Variants in RBMX observed in about 807,000 individuals in gnomAD.
RBMX encodes RNA-binding motif protein, X chromosome.
Under a neutral mutation model 29.3 loss-of-function variants are expected in RBMX, and 1 was observed. The ratio of observed to expected loss-of-function variants is 0.03; its 90% CI spans 0.01 to 0.16. RBMX has a LOEUF of 0.16. RBMX is among the 10% of genes least tolerant of loss of function. The pLI is 1.00. For synonymous variants in RBMX, 102 were observed against 102.3 expected, an observed-to-expected ratio of 1.00 and a Z score of 0.02; for missense variants, 121 against 333.2, an observed-to-expected ratio of 0.36 and a Z score of 4.96.
intron 4 of RBMX, among the ~76,000 whole-genome samples, chrX:136,877,330 C>A (rs1413610529): frequency 1.7e-5 from 1 of 58,038 alleles, no homozygotes; most frequent in Admixed American, 1.8e-4. Flanking sequence ...TAAACTCTAC[C>A]CCCCCCCCCC....
At chrX:136,880,119 C>T (rs1332959380) in intron 1 of RBMX, among the ~76,000 whole-genome samples, 1 of 112,243 alleles carries the variant, frequency 8.9e-6, no homozygotes, top group African/African-American at 3.2e-5. Context: ...TTAAAAACCG[C>T]GTGTAAAAGA....
intron 3 of RBMX, among the ~76,000 whole-genome samples, 155 bp from the exon 4 acceptor site, chrX:136,878,241 A>G (rs188219915): frequency 2.7e-4 from 30 of 111,936 alleles, no homozygotes; most frequent in African/African-American, 9.7e-4. Flanking sequence ...GTCAGTTTAC[A>G]TAAATGGGGC....
At chrX:136,874,965 T>A in intron 8 of RBMX, 121 bp downstream of exon 8, 1 of 1,090,060 alleles carries the variant, frequency 9.2e-7, no homozygotes, top group Non-Finnish European at 1.2e-6. Flanking sequence ...GCTGATAAAG[T>A]TACCCCTTTA....
chrX:136,876,965 G>A (rs1267045977), intron 4 of RBMX, among the ~76,000 whole-genome samples: 1 of 107,271 alleles, frequency 9.3e-6, no homozygotes, highest in African/African-American at 3.4e-5. Flanking sequence ...GCCTGCCTCA[G>A]CCTCCCAAAG....
At position 136,873,472 on chromosome X, in the gene RBMX, CAA is replaced by C. The variant is rs1845542143; in HGVS notation, c.*668_*669del. The C allele has an allele frequency of 1.3e-6, 1 of 752,706 alleles. No individual in the cohort carries two copies. Among genetic ancestry groups the C allele is most frequent in the Non-Finnish European group, 1.6e-6 (1 of 638,939 alleles). 62.0% of individuals were successfully genotyped at this position (752,706 alleles called of 1,213,427 possible). On this transcript the variant is annotated 3_prime_UTR_variant, in exon 9 of 9. Coordinates refer to ENST00000320676, the MANE Select transcript of RBMX (RefSeq NM_002139.4). Reference sequence around the variant, plus strand: ...TTGCAGCTTCATGGTTGGTTTTGGCCAAACTTTTTATTTAGTATTCTGTAGTT... The same window carrying C: ...TTGCAGCTTCATGGTTGGTTTTGGCCACTTTTTATTTAGTATTCTGTAGTT...
chrX:136,876,696 G>A (rs773882563), intron 4 of RBMX, 41 bp from the exon 5 acceptor site: 19 of 964,245 alleles, frequency 2.0e-5, no homozygotes, highest in South Asian at 1.1e-4. Context: ...CTACTCACAA[G>A]AATCAAGAAA....
rs1041846321 is a variant in RBMX at position 136,873,851 on chromosome X, G to C, written c.*291C>G. ...CTGCCTCATTTGCTGGGAAAAATCA[G>C]ATAGGAAGTGGCCTTTAGGGGATAC... On this transcript the variant is annotated 3_prime_UTR_variant, in exon 9 of 9. Coordinates refer to ENST00000320676, the MANE Select transcript of RBMX (RefSeq NM_002139.4). The C allele has an allele frequency of 6.9e-5, 61 of 884,024 alleles. No individual in the cohort carries two copies. The highest frequency in any genetic ancestry group is 7.7e-5 in the Non-Finnish European group (56 of 722,971). 72.9% of individuals were successfully genotyped at this position (884,024 alleles called of 1,213,427 possible). A position where few individuals can be genotyped will look rare whatever the true frequency, so the allele number is the denominator to read the frequency against.
At chrX:136,879,268 T>G (rs765843444) in intron 2 of RBMX, 51 bp downstream of exon 2, 2 of 1,193,984 alleles carry the variant, frequency 1.7e-6, no homozygotes, top group Non-Finnish European at 2.3e-6. Context: ...AAATTCATCA[T>G]AGCTTATATT....
chrX:136,875,699 G>A (rs894242119), intron 5 of RBMX, 114 bp from the exon 6 acceptor site: 8 of 971,536 alleles, frequency 8.2e-6, no homozygotes, highest in Non-Finnish European at 1.1e-5. Flanking sequence ...CATTACGGAG[G>A]CTAGATCACC....
chrX:136,872,023 T>A (rs180754655), downstream of RBMX, among the ~76,000 whole-genome samples: 1 of 111,321 alleles, frequency 9.0e-6, no homozygotes, highest in African/African-American at 3.3e-5. Context: ...GCAAGCTTTA[T>A]GGGTTCAAAA....
In RBMX at chrX:136,880,613, G is replaced by C. The variant is rs1345101018; in HGVS notation, c.-43C>G. The C allele has an allele frequency of 1.7e-5, 2 of 119,654 alleles. No individual in the cohort carries two copies. The highest frequency in any genetic ancestry group is 3.8e-5 in the Non-Finnish European group (2 of 53,327). 9.9% of individuals were successfully genotyped at this position (119,654 alleles called of 1,213,427 possible). A position where few individuals can be genotyped will look rare whatever the true frequency, so the allele number is the denominator to read the frequency against. On this transcript the variant is annotated 5_prime_UTR_variant, in exon 1 of 9. Coordinates refer to ENST00000320676, the MANE Select transcript of RBMX (RefSeq NM_002139.4). ...GACACGTACCGGAGGGGTGACAATGGGTTCAAGCTCCAACGAGCTCGGCGA... is the reference window on the plus strand; with the variant it reads ...GACACGTACCGGAGGGGTGACAATGCGTTCAAGCTCCAACGAGCTCGGCGA...
chrX:136,878,962 C>T (rs1017336625), intron 3 of RBMX, 55 bp downstream of exon 3: 2 of 1,193,395 alleles, frequency 1.7e-6, no homozygotes, highest in Middle Eastern at 3.3e-4. Context: ...TGGACAACTA[C>T]ATGTTATTTT....
At chrX:136,877,339 C>CCCT (rs2077742958) in intron 4 of RBMX, among the ~76,000 whole-genome samples, 1 of 86,047 alleles carries the variant, frequency 1.2e-5, no homozygotes, top group Non-Finnish European at 2.4e-5. Flanking sequence ...CCCCCCCCCC[C>CCCT]CCAAAAAAAA....
chrX:136,879,624 T>C (rs1220580966), intron 1 of RBMX, among the ~76,000 whole-genome samples, 171 bp from the exon 2 acceptor site: 2 of 112,244 alleles, frequency 1.8e-5, no homozygotes, highest in Non-Finnish European at 3.8e-5. Flanking sequence ...TTGAACTAAG[T>C]AGTTTAGTAA....
chrX:136,871,586 G>A (rs1392116613), downstream of RBMX, among the ~76,000 whole-genome samples: 1 of 111,215 alleles, frequency 9.0e-6, no homozygotes, highest in Non-Finnish European at 1.9e-5. Flanking sequence ...TTGTAGCTAT[G>A]CAAATGAGCA....
Position 136,876,526 on chromosome X carries a change from C to T in RBMX, c.518G>A (p.Ser173Asn), listed in dbSNP as rs780149795. 3.3e-6 allele frequency: 4 copies of T among 1,195,005 alleles called. No individual in the cohort carries two copies. The East Asian group carries it at 1.2e-4, about 36-fold the overall frequency. The change falls in exon 5 of 9, where the codon AGT (serine) becomes AAT (asparagine). Residue 173 changes from serine (S) to asparagine (N), a missense_variant. Coordinates refer to ENST00000320676, the MANE Select transcript of RBMX (RefSeq NM_002139.4). Reference protein sequence around the residue: ...KRSAPSGPVRSSSGMGGRAPV... With the variant: ...KRSAPSGPVRNSSGMGGRAPV... ...ACCTCTTCCTCCCATTCCACTGCTA[C>T]TGCGAACTGGTCCTGAAGGTGCAGA... is the stretch of plus-strand genomic sequence containing the variant.
rs747333173 is a variant in RBMX, at chrX:136,875,454, C to T, written c.656+17G>A. The T allele has an allele frequency of 8.3e-6, 10 of 1,208,003 alleles. No homozygotes were observed. Among genetic ancestry groups the T allele is most frequent in the Non-Finnish European group, 1.1e-5 (10 of 894,125 alleles). ...CAACCTTAATTATTAATTTAAAAAG[C>T]TGCACTTTTCTATTACCTGTCTTTA... On this transcript the variant is annotated intron_variant, in intron 6 of 8. Transcript: ENST00000320676.
rs752871774 is a variant in RBMX, at chrX:136,878,097, A to G, written c.217-11T>C. ...TTTTCCATCTAATGACTAAAAAAAA[A>G]GATACGATTAAATTAAATCAAGATT... On this transcript the variant is annotated splice_polypyrimidine_tract_variant and intron_variant, in intron 3 of 8. Coordinates refer to ENST00000320676, the MANE Select transcript of RBMX (RefSeq NM_002139.4). The G allele has an allele frequency of 4.3e-6, 5 of 1,150,007 alleles. No individual in the cohort carries two copies. Among genetic ancestry groups the G allele is most frequent in the African/African-American group, 3.6e-5 (2 of 55,255 alleles). The allele number at this position is 1,150,007 out of a possible 1,213,427, so 94.8% of individuals were successfully genotyped here. A position where few individuals can be genotyped will look rare whatever the true frequency, so the allele number is the denominator to read the frequency against.
intron 8 of RBMX, 44 bp downstream of exon 8, chrX:136,875,039 TAAA>T (rs1410396835): frequency 1.7e-6 from 2 of 1,202,001 alleles, no homozygotes; most frequent in East Asian, 3.0e-5. Flanking sequence ...CTCACGAACC[TAAA>T]AACTCAAGCT....
Sources: allele counts gnomAD v4.1 joint callset (sites outside exome capture counted in the v4.1 genomes callset), GRCh38; gene constraint gnomAD v4.1.1; transcripts MANE v1.5; gene names NCBI Gene and HGNC (gene_info 2026-07-23, HGNC 2026-07-21).